Variants in NCKAP5 observed in about 807,000 individuals in gnomAD.
The protein encoded by NCKAP5 is nck-associated protein 5.
NCKAP5 carries 92 observed loss-of-function variants against 167.0 expected under a neutral mutation model. The observed-to-expected ratio is 0.55, with a 90% CI of 0.47 to 0.66. NCKAP5 has a LOEUF of 0.66. Among genes scored for constraint, NCKAP5 ranks in the 30% least tolerant of loss-of-function variants. The pLI, the probability that NCKAP5 is intolerant of heterozygous loss-of-function variation, is 0.00. For missense variants in NCKAP5, 2,378 were observed against 2,315.0 expected, an observed-to-expected ratio of 1.03 and a Z score of -0.56; for synonymous variants, 891 against 877.4, an observed-to-expected ratio of 1.02 and a Z score of -0.27.
intron 3 of NCKAP5, among the ~76,000 whole-genome samples, chr2:133,392,374 A>C (rs1687470113): frequency 6.6e-6 from 1 of 152,220 alleles, no homozygotes; most frequent in Admixed American, 6.5e-5. Context: ...AGGCTATGTA[A>C]GTACACTCTG....
In NCKAP5 at chr2:133,537,107, A is replaced by G. The variant is rs185608658; in HGVS notation, c.-61-19520T>C. The stretch of plus-strand genomic sequence containing the variant: ...CTCCCTTGTCAAAAGTCTATTGACT[A>G]TAAGTGAGAGAATTCATTTCTGCAC... On this transcript the variant is annotated intron_variant, in intron 2 of 19. Transcript: ENST00000409261. Among the ~76,000 whole-genome samples the G allele has an allele frequency of 6.6e-5, 10 of 152,188 alleles. No homozygotes were observed. The East Asian group carries it at 1.2e-3, about 18-fold the overall frequency.
intron 6 of NCKAP5, among the ~76,000 whole-genome samples, chr2:132,996,126 C>T (rs1206854116): frequency 6.6e-6 from 1 of 152,210 alleles, no homozygotes; most frequent in African/African-American, 2.4e-5. Context: ...CACAGTTTTG[C>T]ATCCAGTCCA....
chr2:133,486,863 T>G (rs1393640139), intron 3 of NCKAP5, among the ~76,000 whole-genome samples: 1 of 152,184 alleles, frequency 6.6e-6, no homozygotes. Context: ...GGTCATTGTA[T>G]TTCCTGTAAT....
intron 10 of NCKAP5, 86 bp from the exon 11 acceptor site, chr2:132,860,697 C>T (rs995960219): frequency 6.3e-6 from 9 of 1,423,488 alleles, no homozygotes; most frequent in Non-Finnish European, 8.4e-6. Context: ...TATCTCAGAT[C>T]ATTAGTAAAA....
At chr2:133,048,760 C>T (rs1461412534) in intron 6 of NCKAP5, among the ~76,000 whole-genome samples, 1 of 152,178 alleles carries the variant, frequency 6.6e-6, no homozygotes, top group African/African-American at 2.4e-5. Context: ...GTTATTACTA[C>T]TCATTTTTAC....
At position 132,858,116 on chromosome 2, in the gene NCKAP5, C is replaced by T. The variant is rs1212545740; in HGVS notation, c.807+2376G>A. Among the ~76,000 whole-genome samples the T allele has an allele frequency of 2.7e-5, 4 of 145,504 alleles. No individual in the cohort carries two copies. The South Asian group carries it at 9.0e-4, about 33-fold the overall frequency. ...TTCAACAAATAATAACTAATGCAGC[C>T]TTCTAAGAAGTGCAAAAAAACTACT... On this transcript the variant is annotated intron_variant, in intron 11 of 19. Coordinates refer to ENST00000409261, the MANE Select transcript of NCKAP5 (RefSeq NM_207363.3).
intron 7 of NCKAP5, among the ~76,000 whole-genome samples, chr2:132,993,744 C>G (rs1026539879): frequency 1.3e-5 from 2 of 152,338 alleles, no homozygotes; most frequent in African/African-American, 4.8e-5. Context: ...CTCTATTCCA[C>G]AGGCCCACCT....
intron 3 of NCKAP5, among the ~76,000 whole-genome samples, chr2:133,374,266 G>T (rs1186506863): frequency 6.6e-6 from 1 of 152,190 alleles, no homozygotes; most frequent in Non-Finnish European, 1.5e-5. Flanking sequence ...GAAAAGTACT[G>T]TATGATTCTG....
intron 6 of NCKAP5, among the ~76,000 whole-genome samples, chr2:133,064,109 A>T (rs1313961637): frequency 6.6e-6 from 1 of 152,224 alleles, no homozygotes; most frequent in Non-Finnish European, 1.5e-5. Context: ...AGGAGAAAGG[A>T]GAAAATTCTG....
chr2:132,889,415 G>A (rs903799976), intron 8 of NCKAP5, among the ~76,000 whole-genome samples: 7 of 152,168 alleles, frequency 4.6e-5, no homozygotes, highest in African/African-American at 1.4e-4. Flanking sequence ...TGCTGTACCT[G>A]CAGGAGCTAT....
intron 4 of NCKAP5, among the ~76,000 whole-genome samples, chr2:133,243,659 A>G (rs914274054): frequency 6.6e-6 from 1 of 152,214 alleles, no homozygotes; most frequent in Non-Finnish European, 1.5e-5. Flanking sequence ...TGCAAGCTGA[A>G]GCTATCATAT....
intron 3 of NCKAP5, among the ~76,000 whole-genome samples, chr2:133,336,615 A>T: frequency 6.6e-6 from 1 of 152,216 alleles, no homozygotes; most frequent in Admixed American, 6.5e-5. Flanking sequence ...CATATATATT[A>T]CTGGAATTAT....
At chr2:133,486,139 A>G (rs1247190102) in intron 3 of NCKAP5, among the ~76,000 whole-genome samples, 1 of 152,204 alleles carries the variant, frequency 6.6e-6, no homozygotes, top group African/African-American at 2.4e-5. Context: ...AGGAGAAAAC[A>G]CGGAATAGAT....
At chr2:133,638,515 T>C in the NCKAP5 span, among the ~76,000 whole-genome samples, 3 of 152,294 alleles carry the variant, frequency 2.0e-5, no homozygotes, top group African/African-American at 7.2e-5. Flanking sequence ...TTAACACTTA[T>C]AGATGGCACT....
chr2:133,046,798 A>C (rs2079416227), intron 6 of NCKAP5, among the ~76,000 whole-genome samples: 1 of 152,198 alleles, frequency 6.6e-6, no homozygotes, highest in Non-Finnish European at 1.5e-5. Context: ...AGAAAAAGAA[A>C]AAAGGAATGT....
chr2:133,465,508 C>A (rs1278430626), intron 3 of NCKAP5, among the ~76,000 whole-genome samples: 12 of 152,186 alleles, frequency 7.9e-5, no homozygotes, highest in South Asian at 2.1e-4. Flanking sequence ...ATTTATAGTC[C>A]TTTGGGTATA....
intron 8 of NCKAP5, among the ~76,000 whole-genome samples, chr2:132,895,648 T>C (rs1214078398): frequency 6.6e-6 from 1 of 151,942 alleles, no homozygotes; most frequent in Non-Finnish European, 1.5e-5. Flanking sequence ...GATTACTATG[T>C]GCTACACTCT....
intron 6 of NCKAP5, among the ~76,000 whole-genome samples, chr2:133,051,606 A>G (rs2079609941): frequency 6.6e-6 from 1 of 152,160 alleles, no homozygotes; most frequent in South Asian, 2.1e-4. Flanking sequence ...CATGCTGAGC[A>G]CCTCAAAGCA....
chr2:133,436,243 G>A (rs1690469458), intron 3 of NCKAP5, among the ~76,000 whole-genome samples: 1 of 152,092 alleles, frequency 6.6e-6, no homozygotes, highest in South Asian at 2.1e-4. Flanking sequence ...ATCAGGTAAC[G>A]GGGAGTTTAA....
Sources: allele counts gnomAD v4.1 joint callset (sites outside exome capture counted in the v4.1 genomes callset), GRCh38; gene constraint gnomAD v4.1.1; transcripts MANE v1.5; gene names NCBI Gene and HGNC (gene_info 2026-07-23, HGNC 2026-07-21).